SLC9C2: variants seen among roughly 807,000 people sequenced by gnomAD.
SLC9C2 encodes the protein sodium/hydrogen exchanger 11.
In SLC9C2, 75 loss-of-function variants were observed where a neutral mutation model predicts 140.2. That is an observed-to-expected ratio of 0.53 (90% CI 0.44 to 0.65). SLC9C2 has a LOEUF of 0.65. SLC9C2 is among the 30% of genes least tolerant of loss of function. The probability of loss-of-function intolerance (pLI) is 0.00; values close to 1 mark genes in which losing one functional copy is unlikely to be tolerated. For synonymous variants in SLC9C2, 375 were observed against 420.9 expected (o/e 0.89, Z 1.34); for missense variants, 1,074 against 1,331.8 (o/e 0.81, Z 3.01).
In SLC9C2 at chr1:173,551,338, C is replaced by T. The variant is rs997083852; in HGVS notation, c.1298-2786G>A. Among the ~76,000 whole-genome samples the T allele has an allele frequency of 3.9e-5, 6 of 152,176 alleles. 1 individual carries two copies. Among genetic ancestry groups the T allele is most frequent in the South Asian group, 4.1e-4 (2 of 4,830 alleles). Reference sequence around the variant, plus strand: ...AATTTCAGACATAGAAATTCATCCTCATTATAAACTAGTAAATCGGCCTTC... The same window carrying T: ...AATTTCAGACATAGAAATTCATCCTTATTATAAACTAGTAAATCGGCCTTC... On this transcript the variant is annotated intron_variant, in intron 11 of 27. Transcript: ENST00000367714.
intron 9 of SLC9C2, among the ~76,000 whole-genome samples, chr1:173,569,437 GT>G (rs1664702841): frequency 6.6e-6 from 1 of 151,878 alleles, no homozygotes; most frequent in African/African-American, 2.4e-5. Flanking sequence ...CCTTCTTTGG[GT>G]TAAATCTGCT....
In SLC9C2 at chr1:173,500,467, A is replaced by T. The variant is rs1379847721; in HGVS notation, c.*627T>A. Reference sequence around the variant, plus strand: ...AATAATGGGTTCTAATAATAAATAGACAACCATAAAACTCAACTTTATTTG... The same window carrying T: ...AATAATGGGTTCTAATAATAAATAGTCAACCATAAAACTCAACTTTATTTG... On this transcript the variant is annotated 3_prime_UTR_variant, in exon 28 of 28. Transcript: ENST00000367714. The T allele has an allele frequency of 2.0e-5, 3 of 152,206 alleles. No homozygotes were observed. Among genetic ancestry groups the T allele is most frequent in the Non-Finnish European group, 2.9e-5 (2 of 68,042 alleles). 9.4% of individuals were successfully genotyped at this position (152,206 alleles called of 1,614,324 possible). A position where few individuals can be genotyped will look rare whatever the true frequency, so the allele number is the denominator to read the frequency against.
Position 173,581,849 on chromosome 1 carries a change from A to T in SLC9C2, c.800T>A (p.Ile267Asn), listed in dbSNP as rs1665554114. ...TTTTGTATTTATTTCAGCCTTACCA[A>T]TATAGAAAGTCATGTACACCATTGA... ...CFSMVYMTFY[I>N]VEFLGMSGTL... is the part of the protein sequence containing the mutation. The change falls in exon 7 of 28, where the codon ATT becomes AAT. Residue 267 changes from isoleucine to asparagine, a missense_variant and splice_region_variant. Coordinates refer to ENST00000367714, the MANE Select transcript of SLC9C2 (RefSeq NM_178527.4). 6.5e-7 allele frequency: 1 copy of T among 1,546,132 alleles called. No individual in the cohort carries two copies. The highest frequency in any genetic ancestry group is 1.9e-5 in the Admixed American group (1 of 53,838).
intron 9 of SLC9C2, among the ~76,000 whole-genome samples, chr1:173,561,382 C>T (rs1361373378): frequency 6.6e-6 from 1 of 152,188 alleles, no homozygotes; most frequent in Non-Finnish European, 1.5e-5. Context: ...TATTGTTTGG[C>T]TTCTAAGCTG....
At chr1:173,574,135 G>C (rs1299938715) in intron 8 of SLC9C2, among the ~76,000 whole-genome samples, 1 of 152,310 alleles carries the variant, frequency 6.6e-6, no homozygotes, top group East Asian at 1.9e-4. Flanking sequence ...TCAGACCCAA[G>C]TGTGACTTCC....
intron 23 of SLC9C2, among the ~76,000 whole-genome samples, chr1:173,510,445 C>T (rs572755294): frequency 1.7e-3 from 262 of 152,200 alleles, no homozygotes; most frequent in South Asian, 0.015. Flanking sequence ...TTTAAGCCCC[C>T]CATGCATTAG....
intron 10 of SLC9C2, among the ~76,000 whole-genome samples, chr1:173,555,912 T>G (rs184531650): frequency 5.9e-5 from 9 of 152,318 alleles, no homozygotes; most frequent in Admixed American, 3.9e-4. Context: ...TTGATTGGAT[T>G]TCTCCACATG....
intron 4 of SLC9C2, among the ~76,000 whole-genome samples, chr1:173,593,111 GC>G (rs1299913617): frequency 6.6e-6 from 1 of 152,164 alleles, no homozygotes; most frequent in Non-Finnish European, 1.5e-5. Context: ...ACTGTCACCA[GC>G]ATATACAAAA....
intron 26 of SLC9C2, among the ~76,000 whole-genome samples, chr1:173,504,773 G>A (rs1489184145): frequency 6.6e-6 from 1 of 152,208 alleles, no homozygotes; most frequent in Non-Finnish European, 1.5e-5. Context: ...TAGCTACTCA[G>A]TGACTATCAA....
intron 23 of SLC9C2, among the ~76,000 whole-genome samples, chr1:173,516,198 T>A (rs901939314): frequency 1.3e-5 from 2 of 152,202 alleles, no homozygotes; most frequent in African/African-American, 4.8e-5. Flanking sequence ...GGTCTTTGGC[T>A]CATTTCTATT....
chr1:173,587,933 CA>C (rs1315758274), intron 4 of SLC9C2, 103 bp from the exon 5 acceptor site: 1 of 854,120 alleles, frequency 1.2e-6, no homozygotes, highest in East Asian at 2.5e-5. Context: ...AAATGTTATA[CA>C]ATTACCCTGG....
chr1:173,521,233 AT>A, intron 22 of SLC9C2, 67 bp downstream of exon 22: 1 of 891,776 alleles, frequency 1.1e-6, no homozygotes, highest in Non-Finnish European at 1.6e-6. Context: ...ATTTATTCTT[AT>A]TCTACAATTA....
chr1:173,543,348 T>C (rs1203971928), intron 13 of SLC9C2, among the ~76,000 whole-genome samples: 1 of 151,992 alleles, frequency 6.6e-6, no homozygotes, highest in Admixed American at 6.6e-5. Context: ...CTCAATGAAA[T>C]AAAAGGGGAC....
intron 13 of SLC9C2, among the ~76,000 whole-genome samples, chr1:173,547,252 T>C (rs1014238519): frequency 1.3e-5 from 2 of 152,004 alleles, no homozygotes; most frequent in Non-Finnish European, 2.9e-5. Context: ...ATATTAGTAT[T>C]ACAACATTTC....
In SLC9C2 at chr1:173,581,862, T is replaced by G. The variant is rs142256959; in HGVS notation, c.787A>C (p.Met263Leu). 82 of 1,586,004 alleles carry G rather than the reference T, an allele frequency of 5.2e-5. 1 individual carries two copies. The South Asian group carries it at 6.2e-4, about 12-fold the overall frequency. Residue 263 changes from methionine (M) to leucine (L), a missense_variant, in exon 7 of 28, where the codon ATG becomes CTG. Met to Leu is a conservative substitution (Grantham distance 15). Transcript: ENST00000367714. The part of the protein sequence containing the change: ...NIILCFSMVY[M>L]TFYIVEFLGM... ...TCAGCCTTACCAATATAGAAAGTCATGTACACCATTGAAAAGCAGAGAATG... is the reference window on the plus strand; with the variant it reads ...TCAGCCTTACCAATATAGAAAGTCAGGTACACCATTGAAAAGCAGAGAATG...
intron 26 of SLC9C2, among the ~76,000 whole-genome samples, chr1:173,504,620 T>G (rs1033776030): frequency 6.6e-6 from 1 of 152,092 alleles, no homozygotes; most frequent in Non-Finnish European, 1.5e-5. Flanking sequence ...ATTTTGTCAT[T>G]GGGCTTGGGA....
intron 6 of SLC9C2, among the ~76,000 whole-genome samples, chr1:173,583,216 A>C (rs1018009205): frequency 1.3e-5 from 2 of 152,218 alleles, no homozygotes; most frequent in African/African-American, 4.8e-5. Context: ...TCTAATACTT[A>C]ATACAATGCA....
At chr1:173,518,907 C>T (rs368110379) in intron 22 of SLC9C2, among the ~76,000 whole-genome samples, 4 of 151,752 alleles carry the variant, frequency 2.6e-5, no homozygotes, top group African/African-American at 4.8e-5. Context: ...CTAAAGGAGG[C>T]CCCCCCAAGA....
At chr1:173,531,940 C>T (rs1547155) in intron 17 of SLC9C2, among the ~76,000 whole-genome samples, 52,890 of 152,070 alleles carry the variant, frequency 0.35, 11,403 homozygotes, top group East Asian at 0.64. Flanking sequence ...ATTTCTAGGA[C>T]AGTTTACATG....
Sources: gnomAD v4.1 joint callset for allele counts (sites outside exome capture counted in the v4.1 genomes callset) on GRCh38, gnomAD v4.1.1 for gene constraint, MANE v1.5 for transcripts, NCBI Gene and HGNC (gene_info 2026-07-23, HGNC 2026-07-21) for gene names.